The following LUZP2 variants were observed in gnomAD, a reference collection of about 807,000 sequenced individuals.
LUZP2 encodes leucine zipper protein 2.
In LUZP2, 52 loss-of-function variants were observed where a neutral mutation model predicts 51.6. That is an observed-to-expected ratio of 1.01 (90% CI 0.81 to 1.27). The LOEUF (loss-of-function observed/expected upper bound fraction) is 1.27. Ranked by LOEUF, LUZP2 falls within the 50% of genes most tolerant of loss-of-function variation. The probability of loss-of-function intolerance (pLI) is 0.00; values close to 1 mark genes in which losing one functional copy is unlikely to be tolerated. For synonymous variants in LUZP2, 154 were observed against 137.3 expected, an observed-to-expected ratio of 1.12 and a Z score of -0.85; for missense variants, 436 against 395.4, an observed-to-expected ratio of 1.10 and a Z score of -0.87.
intron 1 of LUZP2, among the ~76,000 whole-genome samples, chr11:24,525,230 A>T (rs1213163195): frequency 6.6e-6 from 1 of 151,692 alleles, no homozygotes; most frequent in Non-Finnish European, 1.5e-5. Context: ...TTTATTTTTT[A>T]AAATAGTGCT....
At chr11:24,866,181 C>CTT (rs10668308) in intron 5 of LUZP2, among the ~76,000 whole-genome samples, 150,125 of 151,968 alleles carry the variant, frequency 0.99, 74,169 homozygotes, top group East Asian at 1. Context: ...TTTTAATTGT[C>CTT]TAATATTCTT....
At chr11:24,712,304 T>C (rs1250112854) in intron 1 of LUZP2, among the ~76,000 whole-genome samples, 1 of 151,880 alleles carries the variant, frequency 6.6e-6, no homozygotes, top group Admixed American at 6.6e-5. Flanking sequence ...TCTCAGCTAC[T>C]CACATACTCA....
intron 8 of LUZP2, among the ~76,000 whole-genome samples, chr11:24,977,610 A>G (rs556854347): frequency 4.0e-5 from 6 of 151,788 alleles, no homozygotes; most frequent in Admixed American, 3.3e-4. Context: ...TTTATCCATT[A>G]CATACATGCA....
At chr11:24,663,199 G>T (rs1461259862) in intron 1 of LUZP2, among the ~76,000 whole-genome samples, 1 of 152,132 alleles carries the variant, frequency 6.6e-6, no homozygotes, top group Non-Finnish European at 1.5e-5. Flanking sequence ...GGAGGGCTCT[G>T]GTGGGAGGGG....
intron 4 of LUZP2, chr11:24,762,925 T>A (rs760654976): frequency 6.7e-6 from 6 of 901,788 alleles, no homozygotes; most frequent in Non-Finnish European, 8.0e-6. Flanking sequence ...ATCTATTTTT[T>A]CTTTTTTTAA....
chr11:24,741,809 A>T (rs1264649424), intron 4 of LUZP2, among the ~76,000 whole-genome samples: 1 of 143,242 alleles, frequency 7.0e-6, no homozygotes, highest in Non-Finnish European at 1.5e-5. Context: ...TATTATGGTT[A>T]ATTATAATTA....
At chr11:24,564,213 C>A (rs888933648) in intron 1 of LUZP2, among the ~76,000 whole-genome samples, 1 of 152,154 alleles carries the variant, frequency 6.6e-6, no homozygotes, top group Non-Finnish European at 1.5e-5. Flanking sequence ...GAACTCCTTG[C>A]ATGCCCTGTA....
chr11:24,518,151 C>A (rs944595185), intron 1 of LUZP2, among the ~76,000 whole-genome samples: 4 of 151,972 alleles, frequency 2.6e-5, no homozygotes, highest in Admixed American at 2.6e-4. Context: ...AAAATTAGTT[C>A]TTAAGTGTTA....
At chr11:24,658,983 C>G (rs1054502602) in intron 1 of LUZP2, among the ~76,000 whole-genome samples, 32 of 152,182 alleles carry the variant, frequency 2.1e-4, no homozygotes, top group African/African-American at 7.2e-4. Context: ...GGACTGTAAA[C>G]TAGTTCAACC....
intron 5 of LUZP2, among the ~76,000 whole-genome samples, chr11:24,819,399 G>A (rs1362637722): frequency 6.6e-6 from 1 of 152,034 alleles, no homozygotes; most frequent in African/African-American, 2.4e-5. Flanking sequence ...ACTAGTAGTA[G>A]ACCTTTGAGT....
intron 7 of LUZP2, among the ~76,000 whole-genome samples, chr11:24,920,035 A>T (rs555930228): frequency 2.0e-4 from 30 of 151,948 alleles, no homozygotes; most frequent in Middle Eastern, 3.4e-3. Context: ...TTTGATTTTA[A>T]ATTTTATTAT....
chr11:24,607,113 T>C (rs1240394697), intron 1 of LUZP2, among the ~76,000 whole-genome samples: 1 of 151,970 alleles, frequency 6.6e-6, no homozygotes, highest in South Asian at 2.1e-4. Flanking sequence ...GAATGTTTCC[T>C]TTACTGTACA....
chr11:24,898,545 C>G (rs10767272), intron 5 of LUZP2, among the ~76,000 whole-genome samples: 1 of 151,398 alleles, frequency 6.6e-6, no homozygotes, highest in South Asian at 2.1e-4. Flanking sequence ...ATGGCATGAA[C>G]TTGGGAAGCA....
intron 5 of LUZP2, among the ~76,000 whole-genome samples, chr11:24,800,821 A>AT (rs1299007130): frequency 1.3e-5 from 2 of 152,054 alleles, no homozygotes; most frequent in African/African-American, 4.8e-5. Context: ...TTTCCCTAGA[A>AT]TTTTTTCTAA....
chr11:24,745,343 C>T (rs1029393004), intron 4 of LUZP2, among the ~76,000 whole-genome samples: 1 of 151,974 alleles, frequency 6.6e-6, no homozygotes, highest in Non-Finnish European at 1.5e-5. Flanking sequence ...CTGTTTTTCT[C>T]GTTTGTTAGG....
intron 5 of LUZP2, among the ~76,000 whole-genome samples, chr11:24,829,621 T>A (rs114329300): frequency 1.3e-3 from 204 of 152,302 alleles, no homozygotes; most frequent in African/African-American, 4.8e-3. Context: ...GCTGCATTGC[T>A]GTGATAAGGG....
At chr11:24,935,094 A>G (rs530610552) in intron 7 of LUZP2, among the ~76,000 whole-genome samples, 1 of 152,332 alleles carries the variant, frequency 6.6e-6, no homozygotes, top group East Asian at 1.9e-4. Context: ...ATTCTAGAAC[A>G]TGTCTCCTTG....
intron 1 of LUZP2, among the ~76,000 whole-genome samples, chr11:24,698,227 G>A (rs753544247): frequency 6.6e-5 from 10 of 152,180 alleles, no homozygotes; most frequent in Non-Finnish European, 1.5e-4. Context: ...AACTACTTTT[G>A]TAACTGATAA....
intron 1 of LUZP2, among the ~76,000 whole-genome samples, chr11:24,615,293 A>T (rs1854250103): frequency 6.6e-6 from 1 of 151,888 alleles, no homozygotes; most frequent in Non-Finnish European, 1.5e-5. Flanking sequence ...TTTTATAGCC[A>T]TACCACTTAC....
Sources: gnomAD v4.1 joint callset for allele counts (sites outside exome capture counted in the v4.1 genomes callset) on GRCh38, gnomAD v4.1.1 for gene constraint, MANE v1.5 for transcripts, NCBI Gene and HGNC (gene_info 2026-07-23, HGNC 2026-07-21) for gene names.